FAM180A: variants seen among roughly 807,000 people sequenced by gnomAD.
The protein encoded by FAM180A is protein FAM180A.
FAM180A carries 14 observed loss-of-function variants against 15.3 expected under a neutral mutation model. The ratio of observed to expected loss-of-function variants is 0.92; its 90% CI spans 0.61 to 1.43. The LOEUF (loss-of-function observed/expected upper bound fraction) is 1.43. FAM180A is among the 40% of genes most tolerant of loss of function. The pLI is 0.00. For missense variants in FAM180A, 200 were observed against 220.8 expected, an observed-to-expected ratio of 0.91 and a Z score of 0.60; for synonymous variants, 90 against 96.8, an observed-to-expected ratio of 0.93 and a Z score of 0.41.
At chr7:135,736,961 C>A in intron 2 of FAM180A, 138 bp downstream of exon 2, 1 of 693,566 alleles carries the variant, frequency 1.4e-6, no homozygotes. Flanking sequence ...ATGACCTCTA[C>A]AAATTAGGCT....
intron 3 of FAM180A, among the ~76,000 whole-genome samples, chr7:135,732,000 C>A (rs1337725548): frequency 6.6e-6 from 1 of 152,216 alleles, no homozygotes; most frequent in Non-Finnish European, 1.5e-5. Flanking sequence ...ACAGAAAGAT[C>A]TCTGAGCTAA....
Position 135,748,641 on chromosome 7 carries a change from G to T in FAM180A, c.-61C>A. On this transcript the variant is annotated 5_prime_UTR_variant, in exon 1 of 4. Coordinates refer to ENST00000338588, the MANE Select transcript of FAM180A (RefSeq NM_205855.4). The stretch of plus-strand genomic sequence containing the variant: ...CCCAGTGGAACCCCAGTAGCTGCAG[G>T]TATGCCCGTGCCGTTCTTCCCAGTG... The T allele has an allele frequency of 1.5e-6, 2 of 1,295,250 alleles. No homozygotes were observed. The highest frequency in any genetic ancestry group is 2.2e-6 in the Non-Finnish European group (2 of 889,764). The allele number at this position is 1,295,250 out of a possible 1,614,324, so 80.2% of individuals were successfully genotyped here.
rs530267359 is a variant in FAM180A, at chr7:135,733,839, G to T, written c.*136C>A. ...ACTACAAGGAGAAAAGAGCATCGGG[G>T]TTACTGTTTGATCTCTGCTGCTCTG... is the stretch of plus-strand genomic sequence containing the variant. On this transcript the variant is annotated 3_prime_UTR_variant, in exon 3 of 4. Coordinates refer to ENST00000338588, the MANE Select transcript of FAM180A (RefSeq NM_205855.4). The T allele has an allele frequency of 3.7e-4, 528 of 1,410,194 alleles. 2 individuals are homozygous for T. The African/African-American group carries it at 6.9e-3, about 19-fold the overall frequency. The allele number at this position is 1,410,194 out of a possible 1,614,324, so 87.4% of individuals were successfully genotyped here.
At chr7:135,739,155 C>T (rs926254570) in intron 1 of FAM180A, among the ~76,000 whole-genome samples, 3 of 151,226 alleles carry the variant, frequency 2.0e-5, no homozygotes, top group African/African-American at 7.3e-5. Context: ...ACTAAAAATA[C>T]AAAAGTTAGC....
In FAM180A at chr7:135,729,731, C is replaced by G; in HGVS notation, c.*880G>C. 1.0e-6 allele frequency: 1 copy of G among 985,366 alleles called. No homozygotes were observed. The highest frequency in any genetic ancestry group is 1.2e-6 in the Non-Finnish European group (1 of 829,904). 61.0% of individuals were successfully genotyped at this position (985,366 alleles called of 1,614,324 possible). A position where few individuals can be genotyped will look rare whatever the true frequency, so the allele number is the denominator to read the frequency against. On this transcript the variant is annotated 3_prime_UTR_variant, in exon 4 of 4. Transcript: ENST00000338588. ...ACCCATTTTTCAGAGGAAGGAAACA[C>G]TTTTCCAGAATACAATGCTCAAGAA...
At position 135,748,514 on chromosome 7, in the gene FAM180A, A is replaced by G. The variant is rs780834577; in HGVS notation, c.67T>C (p.Trp23Arg). Residue 23 changes from tryptophan to arginine, a missense_variant, in exon 1 of 4, where the codon TGG becomes CGG. Physicochemically the swap from Trp to Arg is moderately radical, Grantham distance 101. Transcript: ENST00000338588. The part of the protein sequence containing the change: ...YNAEASMCHR[W>R]SRAVLFPAAH... ...ATAAAAAGCAACTCACCCCTGCTCCACCTGTGGCACATAGAAGCCTCAGCA... is the reference window on the plus strand; with the variant it reads ...ATAAAAAGCAACTCACCCCTGCTCCGCCTGTGGCACATAGAAGCCTCAGCA... 4 of 1,613,676 alleles carry G rather than the reference A, an allele frequency of 2.5e-6. No homozygotes were observed. Among genetic ancestry groups the G allele is most frequent in the East Asian group, 4.5e-5 (2 of 44,884 alleles).
In FAM180A at chr7:135,737,135, C is replaced by T; in HGVS notation, c.141G>A (p.Leu47=). ...GCTCCACCTCCTCCAGGGAGGTCTG[C>T]AGGACTGGGTTCAATGGCAGTGATG... ...RSSSLPLNPV[L]QTSLEEVELL... is the part of the protein sequence containing the mutation. Residue 47 remains leucine (L), a synonymous_variant, in exon 2 of 4, where the codon CTG becomes CTA. Coordinates refer to ENST00000338588, the MANE Select transcript of FAM180A (RefSeq NM_205855.4). 6.2e-7 allele frequency: 1 copy of T among 1,613,306 alleles called. No homozygotes were observed. Among genetic ancestry groups the T allele is most frequent in the Non-Finnish European group, 8.5e-7 (1 of 1,179,642 alleles).
chr7:135,736,629 A>G (rs1481060497), intron 2 of FAM180A, among the ~76,000 whole-genome samples: 1 of 152,188 alleles, frequency 6.6e-6, no homozygotes, highest in Non-Finnish European at 1.5e-5. Flanking sequence ...GTAGTGAAAG[A>G]CAGCCTGCAG....
Position 135,748,626 on chromosome 7 carries a change from C to G in FAM180A, c.-46G>C, listed in dbSNP as rs189406720. 6.9e-7 allele frequency: 1 copy of G among 1,442,568 alleles called. No homozygotes were observed. The highest frequency in any genetic ancestry group is 9.8e-7 in the Non-Finnish European group (1 of 1,023,848). The allele number at this position is 1,442,568 out of a possible 1,614,324, so 89.4% of individuals were successfully genotyped here. A position where few individuals can be genotyped will look rare whatever the true frequency, so the allele number is the denominator to read the frequency against. On this transcript the variant is annotated 5_prime_UTR_variant, in exon 1 of 4. Coordinates refer to ENST00000338588, the MANE Select transcript of FAM180A (RefSeq NM_205855.4). ...AAATCGACCCTCAAGCCCAGTGGAA[C>G]CCCAGTAGCTGCAGGTATGCCCGTG...
chr7:135,736,011 T>G (rs998587000), intron 2 of FAM180A, among the ~76,000 whole-genome samples: 1 of 150,344 alleles, frequency 6.7e-6, no homozygotes, highest in East Asian at 1.9e-4. Flanking sequence ...CCTGGCTGTC[T>G]CTTTCTTTTC....
chr7:135,739,036 G>A (rs116979359), intron 1 of FAM180A, among the ~76,000 whole-genome samples: 2,507 of 152,282 alleles, frequency 0.016, 35 homozygotes, highest in Middle Eastern at 0.058. Context: ...CAGGCTGGGC[G>A]CTGTGGCTCA....
chr7:135,736,083 C>T (rs965934087), intron 2 of FAM180A, among the ~76,000 whole-genome samples: 11 of 138,968 alleles, frequency 7.9e-5, no homozygotes, highest in South Asian at 2.3e-4. Context: ...AGTGCAGTGG[C>T]GTGATCTCGG....
chr7:135,738,589 T>C (rs1796904388), intron 1 of FAM180A, among the ~76,000 whole-genome samples: 1 of 152,160 alleles, frequency 6.6e-6, no homozygotes, highest in Non-Finnish European at 1.5e-5. Context: ...TGGAGGAAGA[T>C]GAATTGCTAT....
intron 1 of FAM180A, among the ~76,000 whole-genome samples, chr7:135,748,098 G>T (rs1563182526): frequency 6.6e-6 from 1 of 152,208 alleles, no homozygotes; most frequent in African/African-American, 2.4e-5. Context: ...TTCCCCCAGG[G>T]AGCAGGCCTT....
At position 135,729,964 on chromosome 7, in the gene FAM180A, TA is replaced by T; in HGVS notation, c.*646del. 1.1e-6 allele frequency: 1 copy of T among 896,888 alleles called. No homozygotes were observed. Among genetic ancestry groups the T allele is most frequent in the Non-Finnish European group, 1.3e-6 (1 of 749,414 alleles). The allele number at this position is 896,888 out of a possible 1,614,324, so 55.6% of individuals were successfully genotyped here. A position where few individuals can be genotyped will look rare whatever the true frequency, so the allele number is the denominator to read the frequency against. The stretch of plus-strand genomic sequence containing the variant: ...GCATGGAGTTAACACTGCTGTACCA[TA>T]TGCTTAAAAATGGTTAAGATGGTAC... On this transcript the variant is annotated 3_prime_UTR_variant, in exon 4 of 4. Coordinates refer to ENST00000338588, the MANE Select transcript of FAM180A (RefSeq NM_205855.4).
chr7:135,734,498 C>T (rs1298475699), intron 2 of FAM180A, among the ~76,000 whole-genome samples, 179 bp from the exon 3 acceptor site: 1 of 152,214 alleles, frequency 6.6e-6, no homozygotes, highest in Non-Finnish European at 1.5e-5. Context: ...CTTAACTTCT[C>T]TGAGCCTCAC....
chr7:135,743,759 G>C (rs1796990041), intron 1 of FAM180A, among the ~76,000 whole-genome samples: 1 of 152,114 alleles, frequency 6.6e-6, no homozygotes, highest in African/African-American at 2.4e-5. Flanking sequence ...ATGGGATTTT[G>C]TCTATTTTGT....
At chr7:135,746,964 G>T (rs563822441) in intron 1 of FAM180A, among the ~76,000 whole-genome samples, 2 of 152,218 alleles carry the variant, frequency 1.3e-5, no homozygotes, top group African/African-American at 4.8e-5. Flanking sequence ...GCCAGGCGTG[G>T]TGGTGCGCAC....
At chr7:135,741,039 C>T (rs956071000) in intron 1 of FAM180A, among the ~76,000 whole-genome samples, 3 of 152,014 alleles carry the variant, frequency 2.0e-5, no homozygotes, top group Non-Finnish European at 4.4e-5. Flanking sequence ...GCGTGGAGCC[C>T]TTTCTGCTCC....
Sources: gnomAD v4.1 joint callset for allele counts (sites outside exome capture counted in the v4.1 genomes callset) on GRCh38, gnomAD v4.1.1 for gene constraint, MANE v1.5 for transcripts, NCBI Gene and HGNC (gene_info 2026-07-23, HGNC 2026-07-21) for gene names.